MTCL2: variants seen among roughly 807,000 people sequenced by gnomAD.
MTCL2 encodes the protein microtubule cross-linking factor 2.
the MTCL2 span, among the ~76,000 whole-genome samples, chr20:36,849,905 G>A: frequency 6.6e-6 from 1 of 152,118 alleles, no homozygotes. Context: ...ACAAGTGGCA[G>A]CATGTGGTCT....
At chr20:36,784,080 G>C in the MTCL2 span, 1 of 985,448 alleles carries the variant, frequency 1.0e-6, no homozygotes, top group Non-Finnish European at 1.2e-6. Context: ...GTAGGTCTTG[G>C]GGCTCAGGTC....
the MTCL2 span, among the ~76,000 whole-genome samples, chr20:36,850,227 C>T: frequency 6.6e-6 from 1 of 152,204 alleles, no homozygotes; most frequent in Admixed American, 6.5e-5. Flanking sequence ...CACCTGTTTC[C>T]CACCTCAAAA....
At chr20:36,806,131 A>C in the MTCL2 span, among the ~76,000 whole-genome samples, 1 of 152,176 alleles carries the variant, frequency 6.6e-6, no homozygotes, top group Admixed American at 6.5e-5. Flanking sequence ...TCACTCTGAA[A>C]TAACCATGTT....
chr20:36,837,018 C>G, the MTCL2 span, among the ~76,000 whole-genome samples: 3 of 152,222 alleles, frequency 2.0e-5, no homozygotes, highest in Non-Finnish European at 4.4e-5. Context: ...CCAGTGTCTT[C>G]CAACAGAAGG....
At chr20:36,852,138 G>A in the MTCL2 span, among the ~76,000 whole-genome samples, 3 of 152,180 alleles carry the variant, frequency 2.0e-5, no homozygotes, top group African/African-American at 7.2e-5. Context: ...TGAGCTGAGA[G>A]GCCCAGAACC....
At chr20:36,847,230 G>A in the MTCL2 span, among the ~76,000 whole-genome samples, 1 of 152,172 alleles carries the variant, frequency 6.6e-6, no homozygotes, top group Non-Finnish European at 1.5e-5. Context: ...CAAGCCACGT[G>A]GCCCTGGGTC....
At chr20:36,825,903 C>T in the MTCL2 span, among the ~76,000 whole-genome samples, 1 of 152,224 alleles carries the variant, frequency 6.6e-6, no homozygotes, top group African/African-American at 2.4e-5. Flanking sequence ...AGGATGTGAA[C>T]CAGTGTTTCT....
chr20:36,797,996 T>C, the MTCL2 span, among the ~76,000 whole-genome samples: 1 of 152,190 alleles, frequency 6.6e-6, no homozygotes, highest in African/African-American at 2.4e-5. Flanking sequence ...GGGCCTCTGC[T>C]TCTCTCCCCT....
the MTCL2 span, among the ~76,000 whole-genome samples, chr20:36,822,794 G>C: frequency 6.8e-6 from 1 of 146,922 alleles, no homozygotes; most frequent in Admixed American, 6.9e-5. Flanking sequence ...GTCTCACTCT[G>C]TCGCCCAGGC....
the MTCL2 span, chr20:36,778,027 G>C: frequency 1.5e-5 from 7 of 472,778 alleles, no homozygotes; most frequent in Non-Finnish European, 2.6e-5. Context: ...TCTGCCTCCT[G>C]CCTCCCCAGG....
At chr20:36,793,848 C>T in the MTCL2 span, 11 of 1,546,096 alleles carry the variant, frequency 7.1e-6, no homozygotes, top group East Asian at 4.9e-5. This position sits in a 1 kb window ranked among gnomAD's most constrained non-coding sequence, Gnocchi z 6.8. Flanking sequence ...CGCACAGACA[C>T]GAGCGAAGAG....
At chr20:36,818,648 T>C in the MTCL2 span, among the ~76,000 whole-genome samples, 2 of 152,100 alleles carry the variant, frequency 1.3e-5, no homozygotes, top group Non-Finnish European at 2.9e-5. Context: ...AAATAAGATG[T>C]TTAAAATCCA....
chr20:36,852,159 G>C, the MTCL2 span, among the ~76,000 whole-genome samples: 1 of 152,184 alleles, frequency 6.6e-6, no homozygotes, highest in African/African-American at 2.4e-5. Context: ...TTCACTCTGC[G>C]AGGCAGCAAC....
chr20:36,805,635 G>A, the MTCL2 span, among the ~76,000 whole-genome samples: 7 of 152,196 alleles, frequency 4.6e-5, no homozygotes, highest in East Asian at 1.2e-3. Context: ...CCCCTTCACC[G>A]TGATATTGTC....
the MTCL2 span, among the ~76,000 whole-genome samples, chr20:36,817,762 C>T: frequency 6.6e-6 from 1 of 152,228 alleles, no homozygotes; most frequent in Non-Finnish European, 1.5e-5. Context: ...TCGGCGAAGA[C>T]TTGGAAAGCT....
At chr20:36,797,631 G>T in the MTCL2 span, 1 of 1,491,360 alleles carries the variant, frequency 6.7e-7, no homozygotes, top group Non-Finnish European at 9.1e-7. Flanking sequence ...GCAGGACCCT[G>T]CTCTAAGCAA....
chr20:36,794,484 C>G, the MTCL2 span: 2 of 1,614,040 alleles, frequency 1.2e-6, no homozygotes, highest in East Asian at 4.5e-5. This position sits in a 1 kb window ranked among gnomAD's most constrained non-coding sequence, Gnocchi z 5.4. Flanking sequence ...TCGGAGCTCA[C>G]AAAGCCAAAG....
the MTCL2 span, chr20:36,812,933 C>A: frequency 6.8e-7 from 1 of 1,471,106 alleles, no homozygotes. Flanking sequence ...CAGGCCTCTG[C>A]GCTCCCTAAG....
At chr20:36,802,057 G>A in the MTCL2 span, among the ~76,000 whole-genome samples, 1 of 151,880 alleles carries the variant, frequency 6.6e-6, no homozygotes, top group Non-Finnish European at 1.5e-5. Flanking sequence ...AGGCTGAGGC[G>A]GGAGGATCAC....
Sources: gnomAD v4.1 joint callset for allele counts (sites outside exome capture counted in the v4.1 genomes callset) on GRCh38, gnomAD v4.1.1 for gene constraint, Gnocchi (gnomAD v3.1) non-coding constraint, MANE v1.5 for transcripts, NCBI Gene and HGNC (gene_info 2026-07-23, HGNC 2026-07-21) for gene names.